Variants in SLC35A5 observed in about 807,000 individuals in gnomAD.
SLC35A5 encodes the protein solute carrier family 35 member A5.
A neutral mutation model predicts 36.3 loss-of-function variants in SLC35A5; 28 were observed. That is an observed-to-expected ratio of 0.77 (90% CI 0.57 to 1.06). SLC35A5 has a LOEUF of 1.06. SLC35A5 is among the 50% of genes least tolerant of loss of function. SLC35A5 has a pLI of 0.00. For missense variants in SLC35A5, 521 were observed against 499.3 expected (o/e 1.04, Z -0.41); for synonymous variants, 180 against 173.7 (o/e 1.04, Z -0.29).
At chr3:112,564,711 A>G (rs1197159815) in intron 2 of SLC35A5, among the ~76,000 whole-genome samples, 1 of 152,196 alleles carries the variant, frequency 6.6e-6, no homozygotes, top group South Asian at 2.1e-4. Context: ...GAAACCTTGG[A>G]CAATACCTGG....
chr3:112,580,244 A>T (rs1347794402), intron 5 of SLC35A5, among the ~76,000 whole-genome samples: 1 of 152,220 alleles, frequency 6.6e-6, no homozygotes, highest in African/African-American at 2.4e-5. Flanking sequence ...ACTGTGCCAG[A>T]GGTCCAGGAT....
chr3:112,574,797 C>T (rs1337590229), intron 5 of SLC35A5, among the ~76,000 whole-genome samples: 1 of 151,540 alleles, frequency 6.6e-6, no homozygotes, highest in Admixed American at 6.6e-5. Flanking sequence ...TTTGTTGAGT[C>T]CATGATATAC....
At chr3:112,564,731 G>C (rs1049072907) in intron 2 of SLC35A5, among the ~76,000 whole-genome samples, 1 of 152,192 alleles carries the variant, frequency 6.6e-6, no homozygotes, top group Non-Finnish European at 1.5e-5. Context: ...GCTTTCCTAG[G>C]CAGAGGTCGC....
chr3:112,575,516 T>A lies in SLC35A5; in HGVS notation c.428+1560T>A, dbSNP rs183344366. Among the ~76,000 whole-genome samples the A allele has an allele frequency of 3.0e-4, 46 of 152,156 alleles. No homozygotes were observed. In the East Asian group the frequency reaches 7.3e-3, roughly 24 times the overall value. ...TATTTATACTATACATTTTAAATATTTGCTTTTAATACTAGTTATAATATT... is the reference window on the plus strand; with the variant it reads ...TATTTATACTATACATTTTAAATATATGCTTTTAATACTAGTTATAATATT... On this transcript the variant is annotated intron_variant, in intron 5 of 6. Coordinates refer to ENST00000492406, the MANE Select transcript of SLC35A5 (RefSeq NM_017945.5).
At position 112,563,434 on chromosome 3, in the gene SLC35A5, A is replaced by G. The variant is rs1934034144; in HGVS notation, c.31A>G (p.Ile11Val). The G allele has an allele frequency of 6.3e-7, 1 of 1,590,024 alleles. No homozygotes were observed. The highest frequency in any genetic ancestry group is 8.6e-7 in the Non-Finnish European group (1 of 1,161,834). Residue 11 changes from isoleucine (I) to valine (V), a missense_variant, in exon 2 of 7, where the codon ATA becomes GTA. Coordinates refer to ENST00000492406, the MANE Select transcript of SLC35A5 (RefSeq NM_017945.5). MEKQCCSHPV[I>V]CSLSTMYTFL... ...AAAACAGTGCTGTAGTCATCCTGTA[A>G]TATGCTCCTTGTCAACAATGTATAC...
At chr3:112,569,496 A>C (rs552388783) in intron 3 of SLC35A5, among the ~76,000 whole-genome samples, 1 of 152,344 alleles carries the variant, frequency 6.6e-6, no homozygotes, top group East Asian at 1.9e-4. Flanking sequence ...CATGTTTCCT[A>C]ATGCCCTTCC....
chr3:112,564,477 C>A (rs1050003231), intron 2 of SLC35A5: 2 of 152,256 alleles, frequency 1.3e-5, no homozygotes, highest in Admixed American at 1.3e-4. Flanking sequence ...GGCGGTTTTC[C>A]CCTATCTCAG....
At chr3:112,576,405 G>A (rs917225547) in intron 5 of SLC35A5, among the ~76,000 whole-genome samples, 12 of 133,042 alleles carry the variant, frequency 9.0e-5, no homozygotes, top group Admixed American at 1.7e-4. Flanking sequence ...GATTACAGGC[G>A]TGAGCCACCG....
Position 112,580,684 on chromosome 3 carries a change from C to T in SLC35A5, c.567C>T (p.Ser189=). 6.2e-7 allele frequency: 1 copy of T among 1,614,142 alleles called. No homozygotes were observed. Among genetic ancestry groups the T allele is most frequent in the Non-Finnish European group, 8.5e-7 (1 of 1,179,982 alleles). Reference sequence around the variant, plus strand: ...ATCACGATGCCTTTTTCAGCCCTTCCAATTCCTGCCTTCTTTTCAGAAGTG... The same window carrying T: ...ATCACGATGCCTTTTTCAGCCCTTCTAATTCCTGCCTTCTTTTCAGAAGTG... ...GFHHDAFFSP[S]NSCLLFRSEC... Residue 189 remains serine (S), a synonymous_variant, in exon 6 of 7, where the codon TCC becomes TCT. Transcript: ENST00000492406.
rs1345016293 is a variant in SLC35A5, at chr3:112,562,193, A to C, written c.-100A>C. The C allele has an allele frequency of 2.0e-5, 3 of 152,956 alleles. No homozygotes were observed. The highest frequency in any genetic ancestry group is 4.4e-5 in the Non-Finnish European group (3 of 68,236). 9.5% of individuals were successfully genotyped at this position (152,956 alleles called of 1,614,324 possible). On this transcript the variant is annotated 5_prime_UTR_variant, in exon 1 of 7. Coordinates refer to ENST00000492406, the MANE Select transcript of SLC35A5 (RefSeq NM_017945.5). ...TCTCCACGTATGGACCCTAAAGGCT[A>C]CTGCTGCTACTACGGGGCTAGACAG...
chr3:112,565,350 G>A (rs959049270), intron 2 of SLC35A5, among the ~76,000 whole-genome samples: 9 of 152,216 alleles, frequency 5.9e-5, no homozygotes, highest in Non-Finnish European at 1.3e-4. Flanking sequence ...CTGATTAGAA[G>A]TCAGTTGATC....
intron 5 of SLC35A5, among the ~76,000 whole-genome samples, chr3:112,575,043 A>G (rs538671083): frequency 1.3e-5 from 2 of 152,302 alleles, no homozygotes; most frequent in Non-Finnish European, 2.9e-5. Context: ...CTTTGAAATC[A>G]GTTTGAATCT....
At position 112,570,617 on chromosome 3, in the gene SLC35A5, C is replaced by T; in HGVS notation, c.307C>T (p.Leu103Phe). The T allele has an allele frequency of 1.2e-6, 2 of 1,612,396 alleles. No individual in the cohort carries two copies. The highest frequency in any genetic ancestry group is 2.2e-5 in the South Asian group (2 of 90,874). The change falls in exon 4 of 7, where the codon CTT becomes TTT. Residue 103 changes from leucine to phenylalanine, a missense_variant. Physicochemically the swap from Leu to Phe is conservative, Grantham distance 22. Coordinates refer to ENST00000492406, the MANE Select transcript of SLC35A5 (RefSeq NM_017945.5). ...DFMKWSIPAF[L>F]YFLDNLIVFY... is the part of the protein sequence containing the mutation. ...CATGAAGTGGTCCATTCCTGCCTTT[C>T]TTTATTTCCTGGATAACTTGATTGT...
In SLC35A5 at chr3:112,580,952, A is replaced by G; in HGVS notation, c.835A>G (p.Asn279Asp). 1 of 1,614,166 alleles carries G rather than the reference A, an allele frequency of 6.2e-7. No homozygotes were observed. The highest frequency in any genetic ancestry group is 8.5e-7 in the Non-Finnish European group (1 of 1,179,998). Residue 279 changes from asparagine (N) to aspartate (D), a missense_variant, in exon 6 of 7, where the codon AAT becomes GAT. Physicochemically the swap from Asn to Asp is conservative, Grantham distance 23. Coordinates refer to ENST00000492406, the MANE Select transcript of SLC35A5 (RefSeq NM_017945.5). ...SKLYFFGILF[N>D]GLTLGLQRSN... ...ACTCTATTTCTTTGGCATTCTGTTT[A>G]ATGGGCTGACTCTGGGCCTTCAGAG...
intron 4 of SLC35A5, among the ~76,000 whole-genome samples, chr3:112,572,980 G>A (rs533474744): frequency 6.6e-6 from 1 of 152,242 alleles, no homozygotes; most frequent in African/African-American, 2.4e-5. Context: ...CCTTAAAATG[G>A]TGGTTCCCAT....
chr3:112,572,237 C>A (rs1016254764), intron 4 of SLC35A5, among the ~76,000 whole-genome samples: 1 of 151,804 alleles, frequency 6.6e-6, no homozygotes, highest in Non-Finnish European at 1.5e-5. Flanking sequence ...CCACCGTGCC[C>A]GGCCGACTTT....
intron 6 of SLC35A5, among the ~76,000 whole-genome samples, chr3:112,581,841 C>G (rs1389571170): frequency 6.6e-6 from 1 of 150,882 alleles, no homozygotes; most frequent in Non-Finnish European, 1.5e-5. Context: ...AGCCAGTATG[C>G]CAGAAGGGCA....
In SLC35A5 at chr3:112,581,169, T is replaced by G; in HGVS notation, c.1052T>G (p.Phe351Cys). The G allele has an allele frequency of 6.2e-7, 1 of 1,614,052 alleles. No individual in the cohort carries two copies. Among genetic ancestry groups the G allele is most frequent in the Non-Finnish European group, 8.5e-7 (1 of 1,179,940 alleles). The change falls in exon 6 of 7, where the codon TTT (phenylalanine) becomes TGT (cysteine). Residue 351 changes from phenylalanine to cysteine, a missense_variant. Coordinates refer to ENST00000492406, the MANE Select transcript of SLC35A5 (RefSeq NM_017945.5). ...VIITTVSVLV[F>C]DFRPSLEFFL... ...ATCACAACAGTGTCTGTCCTGGTCTTTGACTTCAGGCCCTCCCTGGAATTT... is the reference window on the plus strand; with the variant it reads ...ATCACAACAGTGTCTGTCCTGGTCTGTGACTTCAGGCCCTCCCTGGAATTT...
chr3:112,583,015 C>A lies in SLC35A5; in HGVS notation c.*279C>A. 1 of 437,974 alleles carries A rather than the reference C, an allele frequency of 2.3e-6. No individual in the cohort carries two copies. Among genetic ancestry groups the A allele is most frequent in the Non-Finnish European group, 4.0e-6 (1 of 249,552 alleles). The allele number at this position is 437,974 out of a possible 1,614,324, so 27.1% of individuals were successfully genotyped here. On this transcript the variant is annotated 3_prime_UTR_variant, in exon 7 of 7. Transcript: ENST00000492406. ...TATATGTGCAGATTATTTTCCTTGG[C>A]CTTCAAGCTTCCAAAAAACTTGTAA...
Sources: allele counts gnomAD v4.1 joint callset (sites outside exome capture counted in the v4.1 genomes callset), GRCh38; gene constraint gnomAD v4.1.1; transcripts MANE v1.5; gene names NCBI Gene and HGNC (gene_info 2026-07-23, HGNC 2026-07-21).